The following DNHD1 variants were observed in gnomAD, a reference collection of about 807,000 sequenced individuals.
The protein encoded by DNHD1 is dynein heavy chain domain-containing protein 1.
A neutral mutation model predicts 458.1 loss-of-function variants in DNHD1; 383 were observed. The observed-to-expected ratio is 0.84, with a 90% confidence interval of 0.77 to 0.91. The LOEUF (loss-of-function observed/expected upper bound fraction) is 0.91. Among genes scored for constraint, DNHD1 ranks in the 40% least tolerant of loss-of-function variants. The pLI is 0.00. For missense variants in DNHD1, 5,336 were observed against 5,866.1 expected (o/e 0.91, Z 2.95); for synonymous variants, 2,203 against 2,376.9 (o/e 0.93, Z 2.13).
intron 10 of DNHD1, among the ~76,000 whole-genome samples, chr11:6,524,336 C>G (rs928171143): frequency 6.6e-6 from 1 of 152,200 alleles, no homozygotes; most frequent in Non-Finnish European, 1.5e-5. Flanking sequence ...CCCTGTCTCT[C>G]AAATTTCTGC....
chr11:6,519,510 A>G, intron 7 of DNHD1, 90 bp from the exon 8 acceptor site: 1 of 1,459,114 alleles, frequency 6.9e-7, no homozygotes, highest in Non-Finnish European at 9.4e-7. Context: ...TAGGTCCCAG[A>G]CTCCAAGACC....
At chr11:6,561,285 A>T (rs971513770) in intron 28 of DNHD1, among the ~76,000 whole-genome samples, 2 of 152,134 alleles carry the variant, frequency 1.3e-5, no homozygotes, top group Non-Finnish European at 2.9e-5. Flanking sequence ...AAAATTACTC[A>T]GGCATGGTAG....
chr11:6,523,031 G>T (rs1451366992), intron 10 of DNHD1, among the ~76,000 whole-genome samples: 2 of 152,162 alleles, frequency 1.3e-5, no homozygotes, highest in African/African-American at 4.8e-5. Context: ...AACTCAGAAA[G>T]CACGATCAGC....
At position 6,519,974 on chromosome 11, in the gene DNHD1, C is replaced by G. The variant is rs369082978; in HGVS notation, c.1657C>G (p.Gln553Glu). Residue 553 changes from glutamine (Q) to glutamate (E), a missense_variant, in exon 9 of 43, where the codon CAG (glutamine) becomes GAG (glutamate). Coordinates refer to ENST00000254579, the MANE Select transcript of DNHD1 (RefSeq NM_144666.3). Reference protein sequence around the residue: ...FVANILQAPRQKPFLSSQLVF... With the variant: ...FVANILQAPREKPFLSSQLVF... ...ACCCTTTTTTTTACAGGCCCCAAGG[C>G]AGAAACCCTTTCTCTCATCACAGCT... The G allele has an allele frequency of 3.7e-5, 60 of 1,614,044 alleles. No individual in the cohort carries two copies. The highest frequency in any genetic ancestry group is 4.2e-5 in the Non-Finnish European group (50 of 1,180,034).
At chr11:6,540,209 G>A in intron 18 of DNHD1, 126 bp downstream of exon 18, 1 of 780,012 alleles carries the variant, frequency 1.3e-6, no homozygotes, top group Non-Finnish European at 2.1e-6. Context: ...GACAGCCTAA[G>A]ACATTAGTCT....
Position 6,558,514 on chromosome 11 carries a change from A to G in DNHD1, c.9032A>G (p.His3011Arg). ...CACCAGCAAGTGTGCAGCCACCTTC[A>G]CCTGTTCTTCCTGATTGGAGATAAA... The part of the protein sequence containing the change: ...RFHQQVCSHL[H>R]LFFLIGDKQA... Residue 3011 changes from histidine (H) to arginine (R), a missense_variant, in exon 26 of 43, where the codon CAC (histidine) becomes CGC (arginine). Coordinates refer to ENST00000254579, the MANE Select transcript of DNHD1 (RefSeq NM_144666.3). 2 of 1,551,594 alleles carry G rather than the reference A, an allele frequency of 1.3e-6. No homozygotes were observed. The highest frequency in any genetic ancestry group is 1.7e-6 in the Non-Finnish European group (2 of 1,146,968).
intron 7 of DNHD1, among the ~76,000 whole-genome samples, chr11:6,514,296 G>A (rs1852410338): frequency 6.6e-6 from 1 of 152,026 alleles, no homozygotes; most frequent in Admixed American, 6.5e-5. Context: ...TGGAGACAGG[G>A]TTTCACCATC....
intron 30 of DNHD1, 44 bp from the exon 31 acceptor site, chr11:6,563,649 G>T: frequency 6.5e-7 from 1 of 1,543,890 alleles, no homozygotes; most frequent in Non-Finnish European, 8.7e-7. Flanking sequence ...TCAAGGTCCA[G>T]AGCATCCGTG....
chr11:6,559,496 A>C (rs572515289), intron 28 of DNHD1, among the ~76,000 whole-genome samples: 28 of 152,356 alleles, frequency 1.8e-4, no homozygotes, highest in African/African-American at 6.7e-4. Context: ...TCTTCATAAC[A>C]GGTGAAACCC....
rs1303550583 is a variant in DNHD1, at chr11:6,571,743, T to C, written c.14019T>C (p.Ser4673=). The C allele has an allele frequency of 1.9e-6, 3 of 1,613,088 alleles. No homozygotes were observed. Among genetic ancestry groups the C allele is most frequent in the East Asian group, 2.2e-5 (1 of 44,836 alleles). The stretch of plus-strand genomic sequence containing the variant: ...CAATAGCTGGAGCCTTGCAGGACAG[T>C]CCTTCCAGCCAACCCAGCCCTCTGC... ...WDPIAGALQD[S]PSSQPSPLPP... The change falls in exon 43 of 43, where the codon AGT becomes AGC. Residue 4673 remains serine, a synonymous_variant. Coordinates refer to ENST00000254579, the MANE Select transcript of DNHD1 (RefSeq NM_144666.3). The surrounding 1 kb of genome is among the most constrained non-coding windows in gnomAD (Gnocchi z 5.0).
At position 6,531,113 on chromosome 11, in the gene DNHD1, T is replaced by C. The variant is rs191284820; in HGVS notation, c.2348-1914T>C. Among the ~76,000 whole-genome samples the C allele has an allele frequency of 2.2e-4, 34 of 152,298 alleles. 1 individual carries two copies. The South Asian group carries it at 4.4e-3, about 20-fold the overall frequency. On this transcript the variant is annotated intron_variant, in intron 12 of 42. Coordinates refer to ENST00000254579, the MANE Select transcript of DNHD1 (RefSeq NM_144666.3). Reference sequence around the variant, plus strand: ...ATTGAGTGTGGCATGCAGTAGGTGCTTAATATTTTTTTCATTTCACCTTAT... The same window carrying C: ...ATTGAGTGTGGCATGCAGTAGGTGCCTAATATTTTTTTCATTTCACCTTAT...
Position 6,498,199 on chromosome 11 carries a change from T to TG in DNHD1, c.-16dup, listed in dbSNP as rs1589862041. On this transcript the variant is annotated 5_prime_UTR_variant, in exon 3 of 43. An upstream open reading frame in the 5' UTR loses its in-frame stop. Coordinates refer to ENST00000254579, the MANE Select transcript of DNHD1 (RefSeq NM_144666.3). ...TGGGCAAGGTCACTTCGACAGCAGT[T>TG]GAATGCCCAGCTCCTCATGGTCCCG... 1 of 1,599,802 alleles carries TG rather than the reference T, an allele frequency of 6.3e-7. No homozygotes were observed.
rs1459612209 is a variant in DNHD1, at chr11:6,557,528, A to G, written c.8233A>G (p.Arg2745Gly). ...TCAGGTCGCCAGAGTCTCAAACTCC[A>G]GAGATCCAAGTCTAACACCATCCAT... ...GLQVARVSNS[R>G]DPSLTPSIGP... The change falls in exon 25 of 43, where the codon AGA (arginine) becomes GGA (glycine). Residue 2745 changes from arginine to glycine, a missense_variant. Physicochemically the swap from Arg to Gly is moderately radical, Grantham distance 125. This residue lies in a region of DNHD1 where 3,932 missense variants were observed against 4,365.6 expected (regional missense o/e 0.90). Transcript: ENST00000254579. 3.9e-6 allele frequency: 6 copies of G among 1,551,656 alleles called. No homozygotes were observed. The highest frequency in any genetic ancestry group is 5.2e-6 in the Non-Finnish European group (6 of 1,147,020).
rs1029852213 is a variant in DNHD1, at chr11:6,558,043, A to G, written c.8748A>G (p.Pro2916=). The G allele has an allele frequency of 2.6e-6, 4 of 1,551,468 alleles. No homozygotes were observed. The highest frequency in any genetic ancestry group is 3.5e-6 in the Non-Finnish European group (4 of 1,146,924). The change falls in exon 25 of 43, where the codon CCA becomes CCG. Residue 2916 remains proline (P), a synonymous_variant. Coordinates refer to ENST00000254579, the MANE Select transcript of DNHD1 (RefSeq NM_144666.3). ...SICQAHFFHL[P]SGSEEAILQC... is the part of the protein sequence containing the mutation. The stretch of plus-strand genomic sequence containing the variant: ...GTCAGGCCCATTTCTTTCATCTACC[A>G]TCTGGGTCAGAGGAGGCCATTCTCC...
intron 3 of DNHD1, among the ~76,000 whole-genome samples, chr11:6,501,299 G>A (rs930166346): frequency 3.9e-5 from 2 of 51,876 alleles, no homozygotes; most frequent in African/African-American, 1.8e-4. Flanking sequence ...GTCTGGGTAG[G>A]GATTTTTTTT....
rs769036305 is a variant in DNHD1, at chr11:6,534,046, C to A, written c.2871C>A (p.Ser957=). 6.4e-7 allele frequency: 1 copy of A among 1,551,528 alleles called. No individual in the cohort carries two copies. Among genetic ancestry groups the A allele is most frequent in the Non-Finnish European group, 8.7e-7 (1 of 1,146,958 alleles). Residue 957 remains serine, a synonymous_variant, in exon 14 of 43, where the codon TCC becomes TCA. Transcript: ENST00000254579. ...ELEGLLAKAL[S]GPFMDPTQDQ... ...AAGGCCTGCTTGCGAAGGCCCTCTC[C>A]GGTCCCTTTATGGACCCCACACAAG... is the stretch of plus-strand genomic sequence containing the variant.
Position 6,557,304 on chromosome 11 carries a change from A to G in DNHD1, c.8009A>G (p.Lys2670Arg), listed in dbSNP as rs1368519063. 4 of 1,551,488 alleles carry G rather than the reference A, an allele frequency of 2.6e-6. No homozygotes were observed. The African/African-American group carries it at 5.5e-5, about 21-fold the overall frequency. The stretch of plus-strand genomic sequence containing the variant: ...CCCAGGGAACGCTCCTACTGTGCCA[A>G]GCTGCTCCTAGTAGTAGCTCAAAGT... The part of the protein sequence containing the change: ...DSPRERSYCA[K>R]LLLVVAQSVF... Residue 2670 changes from lysine to arginine, a missense_variant, in exon 25 of 43, where the codon AAG becomes AGG. Lys to Arg is a conservative substitution (Grantham distance 26). Around this residue, in one of 4 missense-constraint regions of DNHD1, gnomAD observed 3,932 missense variants for 4,365.6 expected, o/e 0.90. Transcript: ENST00000254579.
rs562960456 is a variant in DNHD1 at position 6,515,765 on chromosome 11, T to C, written c.1393-3835T>C. ...AAGCTCATTCACTGTTTTATTCAAATATTCTATAGACACATTTTTTTTTTT... is the reference window on the plus strand; with the variant it reads ...AAGCTCATTCACTGTTTTATTCAAACATTCTATAGACACATTTTTTTTTTT... On this transcript the variant is annotated intron_variant, in intron 7 of 42. Coordinates refer to ENST00000254579, the MANE Select transcript of DNHD1 (RefSeq NM_144666.3). Among the ~76,000 whole-genome samples the C allele has an allele frequency of 5.2e-3, 775 of 149,880 alleles. 3 individuals carry two copies. The highest frequency in any genetic ancestry group is 0.041 in the Middle Eastern group (12 of 292).
At chr11:6,561,976 G>A (rs2134452299) in intron 28 of DNHD1, among the ~76,000 whole-genome samples, 1 of 152,302 alleles carries the variant, frequency 6.6e-6, no homozygotes, top group Middle Eastern at 3.4e-3. Context: ...AAGTGTTAAT[G>A]ACAATGATTC....
Sources: allele counts gnomAD v4.1 joint callset (sites outside exome capture counted in the v4.1 genomes callset), GRCh38; gene constraint gnomAD v4.1.1; regional missense constraint gnomAD v4.1.1; non-coding constraint Gnocchi (gnomAD v3.1); transcripts MANE v1.5; gene names NCBI Gene and HGNC (gene_info 2026-07-23, HGNC 2026-07-21).